The following HCN1 variants were observed in gnomAD, a reference collection of about 807,000 sequenced individuals.
HCN1 encodes the protein hyperpolarization activated cyclic nucleotide gated potassium channel 1, also known as potassium/sodium hyperpolarization-activated cyclic nucleotide-gated channel 1.
A neutral mutation model predicts 78.9 loss-of-function variants in HCN1; 13 were observed. The observed-to-expected ratio is 0.16, with a 90% confidence interval of 0.11 to 0.26. The LOEUF is 0.26. Ranked by LOEUF, HCN1 falls within the 10% of genes least tolerant of loss-of-function variation. The pLI, the probability that HCN1 is intolerant of heterozygous loss-of-function variation, is 1.00. For synonymous variants in HCN1, 552 were observed against 455.5 expected (o/e 1.21, Z -2.70); for missense variants, 810 against 1,154.3 (o/e 0.70, Z 4.32).
intron 2 of HCN1, among the ~76,000 whole-genome samples, chr5:45,524,049 G>A (rs1424597288): frequency 6.6e-6 from 1 of 152,102 alleles, no homozygotes; most frequent in Non-Finnish European, 1.5e-5. Flanking sequence ...AAGGTGTAAG[G>A]AAGGGATCCA....
At chr5:45,364,333 A>T (rs1157845659) in intron 4 of HCN1, among the ~76,000 whole-genome samples, 1 of 151,926 alleles carries the variant, frequency 6.6e-6, no homozygotes, top group African/African-American at 2.4e-5. Context: ...CCTGATCTCG[A>T]CTCGTAAGCC....
At chr5:45,331,559 T>C (rs1218452075) in intron 5 of HCN1, among the ~76,000 whole-genome samples, 1 of 151,376 alleles carries the variant, frequency 6.6e-6, no homozygotes, top group Non-Finnish European at 1.5e-5. Context: ...AATCAACATG[T>C]ATATATTAAA....
intron 4 of HCN1, among the ~76,000 whole-genome samples, chr5:45,372,056 ATAATTAT>A (rs1747387975): frequency 1.8e-5 from 1 of 55,696 alleles, no homozygotes; most frequent in African/African-American, 1.1e-4. Flanking sequence ...TATATATAAT[ATAATTAT>A]ATTATATATT....
chr5:45,695,597 C>A (rs571807846), intron 1 of HCN1, 72 bp downstream of exon 1: 4 of 1,490,354 alleles, frequency 2.7e-6, no homozygotes, highest in African/African-American at 1.4e-5. Context: ...GGACGCCCCC[C>A]ACCCAAGGGC....
chr5:45,625,160 G>A (rs777081180), intron 2 of HCN1, among the ~76,000 whole-genome samples: 6 of 151,884 alleles, frequency 4.0e-5, no homozygotes, highest in African/African-American at 7.3e-5. Flanking sequence ...AAAATTAGCC[G>A]GGTATGGTGG....
At chr5:45,576,116 A>G (rs1272154956) in intron 2 of HCN1, 1 of 152,102 alleles carries the variant, frequency 6.6e-6, no homozygotes. Flanking sequence ...AATTCAATGG[A>G]AGAAGTAACT....
At chr5:45,264,661 A>G (rs1235619064) in intron 7 of HCN1, among the ~76,000 whole-genome samples, 1 of 152,206 alleles carries the variant, frequency 6.6e-6, no homozygotes, top group Non-Finnish European at 1.5e-5. Context: ...TGCTTAACTA[A>G]CTGCAGCATA....
chr5:45,461,765 C>T, intron 3 of HCN1, 81 bp downstream of exon 3: 4 of 1,207,694 alleles, frequency 3.3e-6, no homozygotes, highest in Non-Finnish European at 4.9e-6. Flanking sequence ...GAGAAGAAAT[C>T]AGATCATTGT....
At chr5:45,676,724 G>C (rs762360205) in intron 1 of HCN1, among the ~76,000 whole-genome samples, 1 of 151,736 alleles carries the variant, frequency 6.6e-6, no homozygotes, top group African/African-American at 2.4e-5. Context: ...GTAAAGGAAT[G>C]GTCATTTACA....
intron 1 of HCN1, among the ~76,000 whole-genome samples, chr5:45,657,941 T>C (rs1223251554): frequency 6.6e-6 from 1 of 152,314 alleles, no homozygotes; most frequent in Admixed American, 6.5e-5. Flanking sequence ...AAGTCAATCC[T>C]AAGCCAAAAG....
chr5:45,611,081 C>T (rs1344442913), intron 2 of HCN1, among the ~76,000 whole-genome samples: 3 of 148,734 alleles, frequency 2.0e-5, no homozygotes, highest in Non-Finnish European at 4.4e-5. Context: ...GACAGAGACT[C>T]ACTCTGTCAC....
intron 2 of HCN1, among the ~76,000 whole-genome samples, chr5:45,521,556 T>G (rs1742615166): frequency 6.6e-6 from 1 of 151,976 alleles, no homozygotes; most frequent in Non-Finnish European, 1.5e-5. Context: ...CATCTGTGTC[T>G]TTGTGTCCAA....
chr5:45,435,680 G>A (rs972989064), intron 3 of HCN1, among the ~76,000 whole-genome samples: 5 of 151,952 alleles, frequency 3.3e-5, no homozygotes, highest in Non-Finnish European at 7.4e-5. Flanking sequence ...ATAAAGAGAA[G>A]AAGAAAAGAT....
In HCN1 at chr5:45,343,664, T is replaced by C. The variant is rs115343873; in HGVS notation, c.1377+9436A>G. ...GAAGAAAAATGACTTCATTATATAA[T>C]CTACTACATGTGTGGGTGCAGGGGA... On this transcript the variant is annotated intron_variant, in intron 5 of 7. Coordinates refer to ENST00000303230, the MANE Select transcript of HCN1 (RefSeq NM_021072.4). 2.1e-3 allele frequency among the ~76,000 whole-genome samples: 322 copies of C among 152,236 alleles called. 1 individual carries two copies. The highest frequency in any genetic ancestry group is 0.012 in the East Asian group (61 of 5,168).
intron 6 of HCN1, among the ~76,000 whole-genome samples, chr5:45,296,456 A>G (rs1745496054): frequency 6.6e-6 from 1 of 152,004 alleles, no homozygotes; most frequent in Non-Finnish European, 1.5e-5. Context: ...TATGAGGCAG[A>G]AAATGAAGTT....
chr5:45,591,361 G>A (rs188147886), intron 2 of HCN1, among the ~76,000 whole-genome samples: 1 of 152,228 alleles, frequency 6.6e-6, no homozygotes, highest in African/African-American at 2.4e-5. Flanking sequence ...TTCCAAAGTG[G>A]CTGTGCCATT....
chr5:45,440,251 AG>A (rs1187321236), intron 3 of HCN1, among the ~76,000 whole-genome samples: 25 of 152,058 alleles, frequency 1.6e-4, no homozygotes, highest in Non-Finnish European at 3.1e-4. Flanking sequence ...GTCCTTATAT[AG>A]GAACAAATTC....
chr5:45,285,881 C>A (rs1478342863), intron 6 of HCN1, among the ~76,000 whole-genome samples: 1 of 151,952 alleles, frequency 6.6e-6, no homozygotes, highest in Non-Finnish European at 1.5e-5. Flanking sequence ...TGTTCTGCAG[C>A]ACCTTATGAT....
chr5:45,286,535 C>T (rs1745273264), intron 6 of HCN1, among the ~76,000 whole-genome samples: 1 of 152,038 alleles, frequency 6.6e-6, no homozygotes, highest in South Asian at 2.1e-4. Context: ...AAGGCTATTT[C>T]TAAGAAGTGT....
Sources: allele counts gnomAD v4.1 joint callset (sites outside exome capture counted in the v4.1 genomes callset), GRCh38; gene constraint gnomAD v4.1.1; transcripts MANE v1.5; gene names NCBI Gene and HGNC (gene_info 2026-07-23, HGNC 2026-07-21).